Variants in RNFT2 observed in about 807,000 individuals in gnomAD.
RNFT2 encodes the protein E3 ubiquitin-protein ligase RNFT2.
RNFT2 carries 36 observed loss-of-function variants against 53.0 expected under a neutral mutation model. The observed-to-expected ratio is 0.68, with a 90% CI of 0.52 to 0.90. The LOEUF (loss-of-function observed/expected upper bound fraction) is 0.90. RNFT2 is among the 40% of genes least tolerant of loss of function. The pLI is 0.00. For missense variants in RNFT2, 514 were observed against 585.6 expected (o/e 0.88, Z 1.26); for synonymous variants, 260 against 253.2 (o/e 1.03, Z -0.26).
chr12:116,777,308 C>T (rs945404867), intron 6 of RNFT2, among the ~76,000 whole-genome samples: 2 of 152,104 alleles, frequency 1.3e-5, no homozygotes, highest in Non-Finnish European at 2.9e-5. Context: ...GCAGGGCCTG[C>T]GTGACATCTA....
chr12:116,769,493 G>A (rs771840416), intron 6 of RNFT2, among the ~76,000 whole-genome samples: 3 of 152,192 alleles, frequency 2.0e-5, no homozygotes, highest in Non-Finnish European at 4.4e-5. Flanking sequence ...TGATATTGAT[G>A]ATTCTGACCC....
chr12:116,747,424 C>G (rs1871950592), intron 3 of RNFT2, among the ~76,000 whole-genome samples: 1 of 152,042 alleles, frequency 6.6e-6, no homozygotes. Flanking sequence ...CCCAGCTACT[C>G]AGGAGGCTGA....
At chr12:116,817,330 TAG>T (rs1383999306) in intron 7 of RNFT2, among the ~76,000 whole-genome samples, 1 of 152,124 alleles carries the variant, frequency 6.6e-6, no homozygotes, top group Non-Finnish European at 1.5e-5. Context: ...ATTTTTTAAA[TAG>T]AGACAGGAGG....
Position 116,793,926 on chromosome 12 carries a change from C to A in RNFT2, c.882+14578C>A, listed in dbSNP as rs568166278. On this transcript the variant is annotated intron_variant, in intron 7 of 10. Transcript: ENST00000257575. ...GAATGTGAACTCATGTGAGCAAAGA[C>A]CCCTAGGTTGCTCTTGACTCACAGG... is the stretch of plus-strand genomic sequence containing the variant. Among the ~76,000 whole-genome samples the A allele has an allele frequency of 3.3e-4, 50 of 152,270 alleles. No homozygotes were observed. The South Asian group carries it at 9.9e-3, about 30-fold the overall frequency.
chr12:116,778,925 C>CA (rs952172770), intron 6 of RNFT2, among the ~76,000 whole-genome samples: 1 of 152,062 alleles, frequency 6.6e-6, no homozygotes, highest in South Asian at 2.1e-4. Context: ...TATAGCAACA[C>CA]AAAAAAAGGA....
At chr12:116,786,275 C>T (rs1873932401) in intron 7 of RNFT2, among the ~76,000 whole-genome samples, 1 of 151,888 alleles carries the variant, frequency 6.6e-6, no homozygotes, top group Admixed American at 6.6e-5. Flanking sequence ...ACACGTGCCA[C>T]CACGCCTGGG....
At chr12:116,824,014 C>T (rs1235728790) in intron 7 of RNFT2, among the ~76,000 whole-genome samples, 1 of 152,148 alleles carries the variant, frequency 6.6e-6, no homozygotes, top group Non-Finnish European at 1.5e-5. Context: ...CAAGTCCATG[C>T]TCTTTGCCAT....
intron 6 of RNFT2, among the ~76,000 whole-genome samples, chr12:116,773,001 G>A (rs1873269616): frequency 6.6e-6 from 1 of 152,044 alleles, no homozygotes; most frequent in Non-Finnish European, 1.5e-5. Flanking sequence ...GCTAATTTTT[G>A]TATTTTTAGT....
chr12:116,796,260 G>T (rs1874502871), intron 7 of RNFT2, among the ~76,000 whole-genome samples: 1 of 152,132 alleles, frequency 6.6e-6, no homozygotes, highest in African/African-American at 2.4e-5. Flanking sequence ...TGCAAGGTCA[G>T]GTATCTCATT....
intron 10 of RNFT2, among the ~76,000 whole-genome samples, chr12:116,844,711 TGA>T: frequency 6.6e-6 from 1 of 152,204 alleles, no homozygotes; most frequent in South Asian, 2.1e-4. Flanking sequence ...ATTAGAAGTG[TGA>T]GAGCCTCAGT....
At chr12:116,750,862 T>TGTA (rs1872192940) in intron 4 of RNFT2, among the ~76,000 whole-genome samples, 6 of 5,280 alleles carry the variant, frequency 1.1e-3, no homozygotes, top group African/African-American at 4.3e-3. Context: ...ATATATATTA[T>TGTA]ATATATATAA....
chr12:116,763,116 A>G (rs926563366), intron 5 of RNFT2, among the ~76,000 whole-genome samples: 2 of 152,026 alleles, frequency 1.3e-5, no homozygotes, highest in African/African-American at 4.8e-5. Context: ...AATGTTTAGC[A>G]TGGTGCCTGG....
At chr12:116,830,633 G>A (rs948982979) in intron 7 of RNFT2, among the ~76,000 whole-genome samples, 9 of 152,040 alleles carry the variant, frequency 5.9e-5, no homozygotes, top group Non-Finnish European at 1.3e-4. Flanking sequence ...GGCTGGGCGC[G>A]GTCGCTCACA....
intron 7 of RNFT2, among the ~76,000 whole-genome samples, chr12:116,782,720 C>T (rs974703233): frequency 6.6e-6 from 1 of 151,974 alleles, no homozygotes; most frequent in South Asian, 2.1e-4. Context: ...CCCTGGGAAG[C>T]GGGCACTGTT....
At chr12:116,833,062 A>C (rs1876764496) in intron 7 of RNFT2, among the ~76,000 whole-genome samples, 1 of 151,996 alleles carries the variant, frequency 6.6e-6, no homozygotes, top group Admixed American at 6.6e-5. Context: ...CTGGGATTAC[A>C]GGTGCGCCAC....
At chr12:116,837,476 G>A (rs1565874732) in intron 10 of RNFT2, among the ~76,000 whole-genome samples, 1 of 152,178 alleles carries the variant, frequency 6.6e-6, no homozygotes, top group African/African-American at 2.4e-5. Flanking sequence ...AAAGGCTTAC[G>A]GGTAGGGGGA....
intron 3 of RNFT2, among the ~76,000 whole-genome samples, chr12:116,747,419 C>T (rs1283416166): frequency 6.6e-6 from 1 of 152,118 alleles, no homozygotes; most frequent in African/African-American, 2.4e-5. Context: ...ATAATCCCAG[C>T]TACTCAGGAG....
At position 116,850,222 on chromosome 12, in the gene RNFT2, A is replaced by G. The variant is rs1362147220; in HGVS notation, c.*774A>G. 4 of 134,012 alleles carry G rather than the reference A, an allele frequency of 3.0e-5. No homozygotes were observed. Among genetic ancestry groups the G allele is most frequent in the African/African-American group, 1.2e-4 (4 of 34,622 alleles). 8.3% of individuals were successfully genotyped at this position (134,012 alleles called of 1,614,324 possible). ...AGGCTGGAGTGCAGTTGGCACAATC[A>G]CAGCTCACTGCAACCTTGAACTCCT... On this transcript the variant is annotated 3_prime_UTR_variant, in exon 11 of 11. Transcript: ENST00000257575.
chr12:116,750,139 C>G lies in RNFT2; in HGVS notation c.382C>G (p.Gln128Glu). ...HGGHRGGSLL[Q>E]HVGGDHRGHS... is the part of the protein sequence containing the mutation. ...CGGCCACCGCGGGGGCTCCCTGCTGCAGCACGTGGGTGGGGACCACCGGGG... is the reference window on the plus strand; with the variant it reads ...CGGCCACCGCGGGGGCTCCCTGCTGGAGCACGTGGGTGGGGACCACCGGGG... Residue 128 changes from glutamine to glutamate, a missense_variant, in exon 4 of 11, where the codon CAG (glutamine) becomes GAG (glutamate). Around this residue, in one of 3 missense-constraint regions of RNFT2, gnomAD observed 237 missense variants for 235.1 expected, o/e 1.01. Coordinates refer to ENST00000257575, the MANE Select transcript of RNFT2 (RefSeq NM_001382266.1). 6.3e-7 allele frequency: 1 copy of G among 1,582,412 alleles called. No individual in the cohort carries two copies. The highest frequency in any genetic ancestry group is 8.5e-7 in the Non-Finnish European group (1 of 1,170,558).
Sources: gnomAD v4.1 joint callset for allele counts (sites outside exome capture counted in the v4.1 genomes callset) on GRCh38, gnomAD v4.1.1 for gene constraint, gnomAD v4.1.1 regional missense constraint, MANE v1.5 for transcripts, NCBI Gene and HGNC (gene_info 2026-07-23, HGNC 2026-07-21) for gene names.